RALY: variants seen among roughly 807,000 people sequenced by gnomAD.
RALY encodes the protein RNA-binding protein Raly.
In RALY, 15 loss-of-function variants were observed where a neutral mutation model predicts 30.7. That is an observed-to-expected ratio of 0.49 (90% CI 0.33 to 0.75). RALY has a LOEUF of 0.75. RALY is among the 30% of genes least tolerant of loss of function. RALY has a pLI of 0.02. For missense variants in RALY, 339 were observed against 414.3 expected (o/e 0.82, Z 1.58); for synonymous variants, 177 against 170.8 (o/e 1.04, Z -0.28).
intron 5 of RALY, 151 bp downstream of exon 5, chr20:34,074,017 ACTGGGGTC>A: frequency 1.3e-6 from 1 of 795,834 alleles, no homozygotes; most frequent in East Asian, 2.7e-5. Context: ...CAGAGCTGAG[ACTGGGGTC>A]CTGTGCTGCA....
chr20:34,018,701 C>G (rs1455201763), intron 1 of RALY, among the ~76,000 whole-genome samples: 4 of 152,072 alleles, frequency 2.6e-5, no homozygotes, highest in Non-Finnish European at 5.9e-5. Flanking sequence ...TTTCCATTAG[C>G]AATTTAGTCT....
intron 1 of RALY, among the ~76,000 whole-genome samples, chr20:34,029,193 T>C (rs2032168430): frequency 1.3e-5 from 2 of 152,072 alleles, no homozygotes; most frequent in Admixed American, 1.3e-4. Context: ...TAAAGAATTC[T>C]TTGAGAGGCC....
intron 2 of RALY, among the ~76,000 whole-genome samples, chr20:34,053,316 G>A (rs1221468159): frequency 6.7e-6 from 1 of 150,314 alleles, no homozygotes; most frequent in Non-Finnish European, 1.5e-5. Context: ...GGGTTTGACG[G>A]CAAATTAGTG....
chr20:34,016,944 G>C (rs927038648), intron 1 of RALY, among the ~76,000 whole-genome samples: 1 of 152,254 alleles, frequency 6.6e-6, no homozygotes, highest in African/African-American at 2.4e-5. Context: ...GAGGAGGCTG[G>C]AGCAGTGCTC....
At chr20:34,055,864 C>T (rs1196386073) in intron 2 of RALY, among the ~76,000 whole-genome samples, 3 of 152,192 alleles carry the variant, frequency 2.0e-5, no homozygotes, top group Admixed American at 1.3e-4. Flanking sequence ...TCCATGGGCA[C>T]TATTGGTGCT....
intron 1 of RALY, among the ~76,000 whole-genome samples, chr20:34,000,582 G>T (rs1252109351): frequency 6.6e-6 from 1 of 152,180 alleles, no homozygotes; most frequent in African/African-American, 2.4e-5. Flanking sequence ...CTCCTGGGAG[G>T]AAGGAAGGAA....
intron 2 of RALY, among the ~76,000 whole-genome samples, chr20:34,035,458 G>A (rs2032459462): frequency 1.3e-5 from 2 of 152,116 alleles, no homozygotes; most frequent in South Asian, 2.1e-4. Context: ...GTTAGAGAGG[G>A]ACGTGTAGGC....
At position 34,075,911 on chromosome 20, in the gene RALY, G is replaced by A. The variant is rs35191085; in HGVS notation, c.415G>A (p.Val139Met). 1.3e-3 allele frequency: 2,092 copies of A among 1,614,062 alleles called. 26 individuals carry two copies. In the African/African-American group the frequency reaches 0.024, roughly 19 times the overall value. The change falls in exon 6 of 10, where the codon GTG becomes ATG. Residue 139 changes from valine to methionine, a missense_variant. By Grantham distance (21) the Val-to-Met change is conservative. This residue lies in a region of RALY where 268 missense variants were observed against 280.6 expected (regional missense o/e 0.95). Coordinates refer to ENST00000246194, the MANE Select transcript of RALY (RefSeq NM_016732.3). ...DYRGRLSPVP[V>M]PRAVPVKRPR... ...CCGGGGCCGTCTGTCGCCCGTGCCA[G>A]TGCCCAGGGCGGTCCCTGTGAAGCG...
At chr20:34,015,618 G>A (rs1220075685) in intron 1 of RALY, among the ~76,000 whole-genome samples, 2 of 151,764 alleles carry the variant, frequency 1.3e-5, no homozygotes, top group Non-Finnish European at 2.9e-5. Context: ...CAGTGCTGGG[G>A]GTGTCATTAT....
rs543843679 is a variant in RALY at position 34,045,161 on chromosome 20, C to G, written c.-10+13557C>G. 3.9e-5 allele frequency among the ~76,000 whole-genome samples: 6 copies of G among 152,270 alleles called. No homozygotes were observed. In the East Asian group the frequency reaches 9.6e-4, roughly 24 times the overall value. ...TCTTGGGCTTAAGCGATCCTCCTGC[C>G]TCGGAGGCCTCCCAAAATGTTGGGA... On this transcript the variant is annotated intron_variant, in intron 2 of 9. Transcript: ENST00000246194.
chr20:34,044,602 C>T lies in RALY; in HGVS notation c.-10+12998C>T, dbSNP rs572743787. On this transcript the variant is annotated intron_variant, in intron 2 of 9. Coordinates refer to ENST00000246194, the MANE Select transcript of RALY (RefSeq NM_016732.3). Reference sequence around the variant, plus strand: ...ATCCGCCTGCCTCGGCCTCCCGAAGCTGGGATTACAGGCGTGAGCCACCAC... The same window carrying T: ...ATCCGCCTGCCTCGGCCTCCCGAAGTTGGGATTACAGGCGTGAGCCACCAC... 6.5e-4 allele frequency among the ~76,000 whole-genome samples: 99 copies of T among 152,238 alleles called. 1 individual carries two copies. The highest frequency in any genetic ancestry group is 2.3e-3 in the African/African-American group (96 of 41,550).
intron 1 of RALY, among the ~76,000 whole-genome samples, chr20:34,012,348 T>C (rs1397361213): frequency 1.3e-5 from 2 of 152,168 alleles, no homozygotes; most frequent in South Asian, 2.1e-4. Context: ...ATTGACCTTA[T>C]TTTATTTTTT....
chr20:34,001,932 A>G (rs2030936433), intron 1 of RALY, among the ~76,000 whole-genome samples: 1 of 151,982 alleles, frequency 6.6e-6, no homozygotes, highest in Admixed American at 6.6e-5. Flanking sequence ...ACGCCCGGCT[A>G]ATTTTTTTGT....
At chr20:34,062,424 C>G (rs978567785) in intron 2 of RALY, among the ~76,000 whole-genome samples, 1 of 152,226 alleles carries the variant, frequency 6.6e-6, no homozygotes, top group Non-Finnish European at 1.5e-5. Flanking sequence ...CACATGATAC[C>G]TATGTTTTTA....
rs1376340492 is a variant in RALY at position 34,041,738 on chromosome 20, A to G, written c.-10+10134A>G. Among the ~76,000 whole-genome samples the G allele has an allele frequency of 1.3e-5, 2 of 152,188 alleles. 1 individual carries two copies. Among genetic ancestry groups the G allele is most frequent in the Non-Finnish European group, 2.9e-5 (2 of 68,032 alleles). ...AAATCATGGAATTTTAGGATATCAG[A>G]GTGGGAAGGGACCTTAATTGACAAT... On this transcript the variant is annotated intron_variant, in intron 2 of 9. Coordinates refer to ENST00000246194, the MANE Select transcript of RALY (RefSeq NM_016732.3).
rs1253506132 is a variant in RALY, at chr20:34,080,912, G to C, written c.*1007G>C. Reference sequence around the variant, plus strand: ...GGCAGGTTTGGTAGCAAGGAATAGAGCGTACTCCAGTGACAGCAATCAGTA... The same window carrying C: ...GGCAGGTTTGGTAGCAAGGAATAGACCGTACTCCAGTGACAGCAATCAGTA... On this transcript the variant is annotated 3_prime_UTR_variant, in exon 10 of 10. Coordinates refer to ENST00000246194, the MANE Select transcript of RALY (RefSeq NM_016732.3). 1.3e-5 allele frequency: 2 copies of C among 152,232 alleles called. No individual in the cohort carries two copies. The highest frequency in any genetic ancestry group is 4.8e-5 in the African/African-American group (2 of 41,422). 9.4% of individuals were successfully genotyped at this position (152,232 alleles called of 1,614,324 possible). A position where few individuals can be genotyped will look rare whatever the true frequency, so the allele number is the denominator to read the frequency against.
intron 1 of RALY, among the ~76,000 whole-genome samples, chr20:34,010,386 G>A (rs2031348843): frequency 6.6e-6 from 1 of 152,010 alleles, no homozygotes; most frequent in African/African-American, 2.4e-5. Flanking sequence ...GCACCACCAT[G>A]TCCTGTTGTT....
chr20:34,075,790 C>T lies in RALY; in HGVS notation c.378-84C>T, dbSNP rs1434522687. On this transcript the variant is annotated intron_variant, in intron 5 of 9. Transcript: ENST00000246194. ...TGCAGGCCTCCCAGCCCCTCACCAG[C>T]CACACACGTTTGTAGCCGGAGCTGC... The T allele has an allele frequency of 7.6e-6, 11 of 1,438,592 alleles. No individual in the cohort carries two copies. The South Asian group carries it at 1.2e-4, about 16-fold the overall frequency. The allele number at this position is 1,438,592 out of a possible 1,614,324, so 89.1% of individuals were successfully genotyped here. A position where few individuals can be genotyped will look rare whatever the true frequency, so the allele number is the denominator to read the frequency against.
rs201931011 is a variant in RALY, at chr20:34,025,293, GTCTC to G, written c.-92-6215_-92-6212del. ...GAGGAAGATAACCCTTCAGCAACACGTCTCTCTCTCTCTCTCTTTTTTTTTTTTA... is the reference window on the plus strand; with the variant it reads ...GAGGAAGATAACCCTTCAGCAACACGTCTCTCTCTCTCTTTTTTTTTTTTA... On this transcript the variant is annotated intron_variant, in intron 1 of 9. Transcript: ENST00000246194. Among the ~76,000 whole-genome samples the G allele has an allele frequency of 1.4e-3, 200 of 147,738 alleles. 1 individual carries two copies. Among genetic ancestry groups the G allele is most frequent in the Non-Finnish European group, 2.6e-3 (176 of 66,996 alleles).
Sources: allele counts gnomAD v4.1 joint callset (sites outside exome capture counted in the v4.1 genomes callset), GRCh38; gene constraint gnomAD v4.1.1; regional missense constraint gnomAD v4.1.1; transcripts MANE v1.5; gene names NCBI Gene and HGNC (gene_info 2026-07-23, HGNC 2026-07-21).